The following MTAP variants were observed in gnomAD, a reference collection of about 807,000 sequenced individuals.
MTAP encodes the protein S-methyl-5'-thioadenosine phosphorylase.
MTAP carries 33 observed loss-of-function variants against 33.6 expected under a neutral mutation model. The observed-to-expected ratio is 0.98, with a 90% CI of 0.74 to 1.31. The LOEUF (loss-of-function observed/expected upper bound fraction) is 1.31. Ranked by LOEUF, MTAP falls within the 40% of genes most tolerant of loss-of-function variation. The probability of loss-of-function intolerance (pLI) is 0.00; values close to 1 mark genes in which losing one functional copy is unlikely to be tolerated. For missense variants in MTAP, 367 were observed against 360.0 expected, an observed-to-expected ratio of 1.02 and a Z score of -0.16; for synonymous variants, 148 against 125.7, an observed-to-expected ratio of 1.18 and a Z score of -1.19.
intron 1 of MTAP, among the ~76,000 whole-genome samples, chr9:21,920,576 T>A (rs1183312586): frequency 1.3e-5 from 2 of 152,164 alleles, no homozygotes; most frequent in Non-Finnish European, 2.9e-5. Context: ...TCCACTTACC[T>A]TCCAATAGCC....
At position 21,918,199 on chromosome 9, in the gene MTAP, AATT is replaced by A. The variant is rs1225380016; in HGVS notation, c.148-12807_148-12805del. On this transcript the variant is annotated intron_variant, in intron 1 of 1. Coordinates refer to the MTAP transcript ENST00000577563. ...CCCCGTCTCTACTAAAAATACAAAA[AATT>A]AGCCGGGCGTAGTGGCGGGCGCCTG... Among the ~76,000 whole-genome samples, 4 of 143,000 alleles carry A rather than the reference AATT, an allele frequency of 2.8e-5. 1 individual carries two copies. Among genetic ancestry groups the A allele is most frequent in the Non-Finnish European group, 5.9e-5 (4 of 67,426 alleles). 93.8% of individuals were successfully genotyped at this position (143,000 alleles called of 152,430 possible).
rs1020757334 is a variant in MTAP, at chr9:21,803,036, A to ACACACACG, written c.33+256_33+257insACACACGC. ...CACACACACACACACACACACACACACCACCTTTTGGCTTATCTGCACCCG... is the reference window on the plus strand; with the variant it reads ...CACACACACACACACACACACACACACACACACGCCACCTTTTGGCTTATCTGCACCCG... On this transcript the variant is annotated intron_variant, in intron 1 of 7. Coordinates refer to ENST00000644715, the MANE Select transcript of MTAP (RefSeq NM_002451.4). 2.5e-5 allele frequency: 26 copies of ACACACACG among 1,039,810 alleles called. No individual in the cohort carries two copies. The African/African-American group carries it at 4.0e-4, about 16-fold the overall frequency. 64.4% of individuals were successfully genotyped at this position (1,039,810 alleles called of 1,614,324 possible).
intron 5 of MTAP, among the ~76,000 whole-genome samples, chr9:21,846,047 T>TA (rs1587241081): frequency 6.6e-6 from 1 of 152,314 alleles, no homozygotes; most frequent in East Asian, 1.9e-4. Context: ...TGTTGCAGGA[T>TA]AATTGGCAAG....
intron 1 of MTAP, among the ~76,000 whole-genome samples, chr9:21,927,193 T>G (rs1449275067): frequency 6.6e-6 from 1 of 152,136 alleles, no homozygotes; most frequent in South Asian, 2.1e-4. Context: ...AAGTTCTAAC[T>G]CAAACCATCA....
downstream of MTAP, chr9:21,935,921 T>A (rs541562047): frequency 6.6e-6 from 1 of 152,340 alleles, no homozygotes; most frequent in Non-Finnish European, 1.5e-5. Flanking sequence ...AGCATCTAGC[T>A]ATCATTATTT....
chr9:21,810,365 T>C (rs1222900226), intron 1 of MTAP, among the ~76,000 whole-genome samples: 1 of 152,136 alleles, frequency 6.6e-6, no homozygotes, highest in Non-Finnish European at 1.5e-5. Context: ...GGGTAATTTA[T>C]AAAGAGAAGA....
intron 1 of MTAP, chr9:21,811,910 A>G (rs530046275): frequency 2.8e-6 from 1 of 352,180 alleles, no homozygotes; most frequent in South Asian, 2.5e-5. Context: ...CTGTTTTTAT[A>G]TCTTGGGGGA....
chr9:21,928,117 G>T (rs537429838), intron 1 of MTAP, among the ~76,000 whole-genome samples: 1 of 152,264 alleles, frequency 6.6e-6, no homozygotes, highest in Admixed American at 6.5e-5. Flanking sequence ...AATAGATTGG[G>T]CCATCCAGCA....
intron 1 of MTAP, among the ~76,000 whole-genome samples, chr9:21,908,166 C>T (rs956776267): frequency 6.6e-6 from 1 of 152,114 alleles, no homozygotes; most frequent in African/African-American, 2.4e-5. Context: ...ATTCTTTCTC[C>T]ATGTCTATAC....
intron 1 of MTAP, among the ~76,000 whole-genome samples, chr9:21,894,152 CATT>C (rs978903184): frequency 6.7e-6 from 1 of 149,014 alleles, no homozygotes; most frequent in African/African-American, 2.5e-5. Flanking sequence ...ACAAATACCA[CATT>C]ATCATTTCAA....
Position 21,919,440 on chromosome 9 carries a change from CA to C in MTAP, c.148-11561del, listed in dbSNP as rs370954515. On this transcript the variant is annotated intron_variant, in intron 1 of 1. Transcript: ENST00000577563. ...ATTTTTTCTTTTTCTATAAAAGGAGCAAAAAAACAGATGGTAATTTGCAGGT... is the reference window on the plus strand; with the variant it reads ...ATTTTTTCTTTTTCTATAAAAGGAGCAAAAAACAGATGGTAATTTGCAGGT... 4.5e-3 allele frequency among the ~76,000 whole-genome samples: 684 copies of C among 151,884 alleles called. 2 individuals are homozygous for C. The highest frequency in any genetic ancestry group is 0.015 in the African/African-American group (611 of 41,428).
intron 4 of MTAP, among the ~76,000 whole-genome samples, chr9:21,824,049 C>T (rs561899640): frequency 4.6e-5 from 7 of 152,276 alleles, no homozygotes; most frequent in Admixed American, 3.3e-4. Flanking sequence ...GCATTGGGTT[C>T]GAATTTCCTT....
At position 21,863,984 on chromosome 9, in the gene MTAP, A is replaced by G. The variant is rs1015316457; in HGVS notation, c.*1970A>G. ...ATCTGTAGAGAACTTAATGAACCTG[A>G]ACCCAGGCTTCTCTAGCTCTGGTAA... On this transcript the variant is annotated 3_prime_UTR_variant, in exon 8 of 8. Coordinates refer to ENST00000644715, the MANE Select transcript of MTAP (RefSeq NM_002451.4). The G allele has an allele frequency of 4.3e-5, 42 of 985,666 alleles. No homozygotes were observed. In the Admixed American group the frequency reaches 1.7e-3, roughly 40 times the overall value. 61.1% of individuals were successfully genotyped at this position (985,666 alleles called of 1,614,324 possible). A position where few individuals can be genotyped will look rare whatever the true frequency, so the allele number is the denominator to read the frequency against.
chr9:21,881,773 A>G (rs990272552), intron 1 of MTAP, among the ~76,000 whole-genome samples: 1 of 152,008 alleles, frequency 6.6e-6, no homozygotes, highest in Non-Finnish European at 1.5e-5. Flanking sequence ...CCACACTTTT[A>G]TTGGGAATAT....
chr9:21,904,830 A>T (rs1818449017), intron 1 of MTAP, among the ~76,000 whole-genome samples: 1 of 152,172 alleles, frequency 6.6e-6, no homozygotes, highest in Admixed American at 6.5e-5. Flanking sequence ...AATGTCCAAA[A>T]TTGCTTATAG....
At chr9:21,907,333 G>C (rs1164446633) in intron 1 of MTAP, among the ~76,000 whole-genome samples, 1 of 152,238 alleles carries the variant, frequency 6.6e-6, no homozygotes, top group African/African-American at 2.4e-5. Context: ...GAGGTGGGCA[G>C]ATTGCTTGAG....
downstream of MTAP, among the ~76,000 whole-genome samples, chr9:21,867,276 C>T (rs1419932868): frequency 2.6e-5 from 4 of 152,078 alleles, no homozygotes; most frequent in South Asian, 2.1e-4. Flanking sequence ...CAGAGGATAG[C>T]GTCTAGTTTT....
rs72691570 is a variant in MTAP at position 21,836,469 on chromosome 9, A to C, written c.348-1439A>C. On this transcript the variant is annotated intron_variant, in intron 4 of 7. Transcript: ENST00000644715. ...ATGCGGGTGTTATGGTGTGGAAGTC[A>C]GTTGGAGTATAGCCACTGGAGGCTT... 4.4e-3 allele frequency among the ~76,000 whole-genome samples: 672 copies of C among 152,286 alleles called. 4 individuals are homozygous for C. Among genetic ancestry groups the C allele is most frequent in the Admixed American group, 6.5e-3 (100 of 15,288 alleles).
intron 3 of MTAP, among the ~76,000 whole-genome samples, chr9:21,817,682 C>G (rs1305088410): frequency 6.6e-6 from 1 of 151,956 alleles, no homozygotes; most frequent in Non-Finnish European, 1.5e-5. Flanking sequence ...GGAGAATCTC[C>G]TATGCATGCT....
Sources: gnomAD v4.1 joint callset for allele counts (sites outside exome capture counted in the v4.1 genomes callset) on GRCh38, gnomAD v4.1.1 for gene constraint, MANE v1.5 for transcripts, NCBI Gene and HGNC (gene_info 2026-07-23, HGNC 2026-07-21) for gene names.